The following PNPLA4 variants were observed in gnomAD, a reference collection of about 807,000 sequenced individuals.
The protein encoded by PNPLA4 is patatin-like phospholipase domain-containing protein 4.
In PNPLA4, 15 loss-of-function variants were observed where a neutral mutation model predicts 18.3. The observed-to-expected ratio is 0.82, with a 90% CI of 0.55 to 1.26. The LOEUF is 1.26. Ranked by LOEUF, PNPLA4 falls within the 50% of genes most tolerant of loss-of-function variation. The probability of loss-of-function intolerance (pLI) is 0.00; values close to 1 mark genes in which losing one functional copy is unlikely to be tolerated. For missense variants in PNPLA4, 229 were observed against 196.8 expected (o/e 1.16, Z -0.98); for synonymous variants, 88 against 85.6 (o/e 1.03, Z -0.16).
At chrX:7,922,151 T>C in intron 2 of PNPLA4, 53 bp from the exon 3 acceptor site, 1 of 880,848 alleles carries the variant, frequency 1.1e-6, no homozygotes, top group Non-Finnish European at 1.6e-6. Context: ...AAAACAATCA[T>C]TCCACTTCTA....
At chrX:7,905,602 T>C (rs1923682798) in intron 5 of PNPLA4, among the ~76,000 whole-genome samples, 1 of 112,754 alleles carries the variant, frequency 8.9e-6, no homozygotes, top group South Asian at 3.6e-4. Flanking sequence ...TGAATGTTGC[T>C]ATCTATAATT....
At chrX:7,923,696 A>G (rs1924305455) in intron 2 of PNPLA4, among the ~76,000 whole-genome samples, 1 of 111,532 alleles carries the variant, frequency 9.0e-6, no homozygotes, top group African/African-American at 3.3e-5. Context: ...GGATAGTAAA[A>G]ACAACAGCAA....
intron 2 of PNPLA4, among the ~76,000 whole-genome samples, 168 bp downstream of exon 2, chrX:7,925,772 A>C (rs1216462419): frequency 8.9e-6 from 1 of 112,611 alleles, no homozygotes; most frequent in African/African-American, 3.2e-5. Context: ...CCACAACCAG[A>C]GCACAGATCC....
chrX:7,922,064 T>C lies in PNPLA4; in HGVS notation c.215A>G (p.Glu72Gly). The C allele has an allele frequency of 2.5e-6, 3 of 1,208,225 alleles. No individual in the cohort carries two copies. Among genetic ancestry groups the C allele is most frequent in the Non-Finnish European group, 3.4e-6 (3 of 892,625 alleles). ...TGCCCCGAAAGACTGCCTTCTGATT[T>C]CTTCGGCAAACTTGTAGGTAAATTG... ...CNQFTYKFAEEIRRQSFGAVT... is the reference protein window; with the variant it reads ...CNQFTYKFAEGIRRQSFGAVT... Residue 72 changes from glutamate (E) to glycine (G), a missense_variant, in exon 3 of 7, where the codon GAA becomes GGA. By Grantham distance (98) the Glu-to-Gly change is moderately conservative (BLOSUM62 -2). Transcript: ENST00000381042.
In PNPLA4 at chrX:7,902,227, G is replaced by A. The variant is rs1319513479; in HGVS notation, c.478-86C>T. On this transcript the variant is annotated intron_variant, in intron 5 of 6. Coordinates refer to ENST00000381042, the MANE Select transcript of PNPLA4 (RefSeq NM_004650.3). ...CAGCTTCTAATAATATGTGTGCCTT[G>A]GATATGCTTTTAAATTGCTATTTTT... The A allele has an allele frequency of 7.6e-6, 7 of 918,107 alleles. No individual in the cohort carries two copies. In the Admixed American group the frequency reaches 1.7e-4, roughly 23 times the overall value. 75.7% of individuals were successfully genotyped at this position (918,107 alleles called of 1,213,427 possible).
intron 3 of PNPLA4, 33 bp from the exon 4 acceptor site, chrX:7,921,881 C>T (rs1924232453): frequency 8.5e-7 from 1 of 1,174,971 alleles, no homozygotes. Flanking sequence ...AATTACTCAC[C>T]TTTAATTATT....
chrX:7,926,079 A>G lies in PNPLA4; in HGVS notation c.41T>C (p.Leu14Pro), dbSNP rs1924390966. Residue 14 changes from leucine (L) to proline (P), a missense_variant, in exon 2 of 7, where the codon CTG becomes CCG. By Grantham distance (98) the Leu-to-Pro change is moderately conservative (BLOSUM62 -3). Transcript: ENST00000381042. ...TGCTGCCCCCAAGTGGTAAATGCCC[A>G]GAAATCCACACGCTGCAAATGATAG... ...INLSFAACGFLGIYHLGAASA... is the reference protein window; with the variant it reads ...INLSFAACGFPGIYHLGAASA... 1 of 1,211,429 alleles carries G rather than the reference A, an allele frequency of 8.3e-7. No homozygotes were observed. The highest frequency in any genetic ancestry group is 3.0e-5 in the East Asian group (1 of 33,860).
chrX:7,921,390 T>C (rs1251404600), intron 4 of PNPLA4, among the ~76,000 whole-genome samples: 4 of 112,415 alleles, frequency 3.6e-5, no homozygotes, highest in African/African-American at 1.3e-4. Context: ...TCCAAAGTAT[T>C]AGCCACATAA....
chrX:7,901,882 T>C, intron 6 of PNPLA4, 107 bp downstream of exon 6: 1 of 782,118 alleles, frequency 1.3e-6, no homozygotes, highest in Admixed American at 2.7e-5. Flanking sequence ...ATGCAACTCC[T>C]ACCTACAATT....
chrX:7,916,047 G>C (rs1289780467), intron 4 of PNPLA4, among the ~76,000 whole-genome samples: 1 of 111,574 alleles, frequency 9.0e-6, no homozygotes. Flanking sequence ...CTCTACCCTA[G>C]AGCATTCACA....
At chrX:7,900,862 C>T (rs1315448480) in intron 6 of PNPLA4, 45 bp from the exon 7 acceptor site, 1 of 1,051,094 alleles carries the variant, frequency 9.5e-7, no homozygotes, top group Non-Finnish European at 1.3e-6. Context: ...TATTGCAGTA[C>T]AGGTAAATAT....
chrX:7,903,537 G>C (rs1210009220), intron 5 of PNPLA4, among the ~76,000 whole-genome samples: 2 of 110,954 alleles, frequency 1.8e-5, no homozygotes, highest in Admixed American at 9.6e-5. Flanking sequence ...CTGACCTCGT[G>C]ATCTGCCCGC....
chrX:7,922,978 GC>G (rs1924281303), intron 2 of PNPLA4, among the ~76,000 whole-genome samples: 1 of 111,996 alleles, frequency 8.9e-6, no homozygotes, highest in African/African-American at 3.2e-5. Flanking sequence ...CTCATTTAGT[GC>G]AAAAAATAAA....
chrX:7,913,923 AT>A (rs1299708739), intron 4 of PNPLA4, among the ~76,000 whole-genome samples: 1 of 112,421 alleles, frequency 8.9e-6, no homozygotes, highest in African/African-American at 3.2e-5. Flanking sequence ...TAAAATGTAT[AT>A]TTTTACCAGA....
intron 4 of PNPLA4, among the ~76,000 whole-genome samples, chrX:7,920,967 C>A (rs1924196782): frequency 8.9e-6 from 1 of 112,533 alleles, no homozygotes; most frequent in Admixed American, 9.4e-5. Flanking sequence ...CCATTCACTT[C>A]TCTGTTAAAA....
chrX:7,921,898 C>A, intron 3 of PNPLA4, 50 bp from the exon 4 acceptor site: 1 of 1,143,887 alleles, frequency 8.7e-7, no homozygotes, highest in East Asian at 3.1e-5. Context: ...TATTGAACTC[C>A]CTGTAAATAT....
At chrX:7,911,743 G>T (rs1256299147) in intron 5 of PNPLA4, among the ~76,000 whole-genome samples, 1 of 110,330 alleles carries the variant, frequency 9.1e-6, no homozygotes, top group African/African-American at 3.3e-5. Context: ...TGTGAGTATG[G>T]ACTTTACTAG....
At chrX:7,909,128 G>T (rs1342737452) in intron 5 of PNPLA4, among the ~76,000 whole-genome samples, 1 of 111,854 alleles carries the variant, frequency 8.9e-6, no homozygotes, top group East Asian at 2.8e-4. Context: ...GGACTATCTT[G>T]GGGAAGTTGA....
At chrX:7,914,705 T>C (rs953079328) in intron 4 of PNPLA4, among the ~76,000 whole-genome samples, 1 of 111,316 alleles carries the variant, frequency 9.0e-6, no homozygotes, top group Non-Finnish European at 1.9e-5. Flanking sequence ...GAGAGACATG[T>C]GGACTGCAAA....
Sources: gnomAD v4.1 joint callset for allele counts (sites outside exome capture counted in the v4.1 genomes callset) on GRCh38, gnomAD v4.1.1 for gene constraint, MANE v1.5 for transcripts, NCBI Gene and HGNC (gene_info 2026-07-23, HGNC 2026-07-21) for gene names.